ADAMTS17: variants seen among roughly 807,000 people sequenced by gnomAD.
ADAMTS17 encodes the protein ADAM metallopeptidase with thrombospondin type 1 motif 17, also known as A disintegrin and metalloproteinase with thrombospondin motifs 17.
A neutral mutation model predicts 141.5 loss-of-function variants in ADAMTS17; 113 were observed. That is an observed-to-expected ratio of 0.80 (90% CI 0.69 to 0.93). The LOEUF is 0.93. Among genes scored for constraint, ADAMTS17 ranks in the 40% least tolerant of loss-of-function variants. The pLI, the probability that ADAMTS17 is intolerant of heterozygous loss-of-function variation, is 0.00. For synonymous variants in ADAMTS17, 768 were observed against 630.6 expected, an observed-to-expected ratio of 1.22 and a Z score of -3.27; for missense variants, 1,659 against 1,517.9, an observed-to-expected ratio of 1.09 and a Z score of -1.54.
At chr15:100,323,958 C>T (rs1249012628) in intron 3 of ADAMTS17, among the ~76,000 whole-genome samples, 3 of 151,092 alleles carry the variant, frequency 2.0e-5, no homozygotes, top group Non-Finnish European at 4.4e-5. Flanking sequence ...GGGGAATAAG[C>T]CAGAGCCATG....
chr15:100,312,205 T>C (rs761145490), intron 3 of ADAMTS17, among the ~76,000 whole-genome samples: 22 of 152,218 alleles, frequency 1.4e-4, no homozygotes, highest in Non-Finnish European at 2.6e-4. Context: ...TCCTGGATTA[T>C]CTGGGTGGCT....
At chr15:100,253,321 G>C (rs958681189) in intron 7 of ADAMTS17, among the ~76,000 whole-genome samples, 1 of 138,524 alleles carries the variant, frequency 7.2e-6, no homozygotes, top group African/African-American at 2.8e-5. Flanking sequence ...GGACGGGAGA[G>C]AAAGGAAAAT....
chr15:100,014,684 G>C, intron 18 of ADAMTS17, among the ~76,000 whole-genome samples: 1 of 152,128 alleles, frequency 6.6e-6, no homozygotes, highest in Non-Finnish European at 1.5e-5. Context: ...GGTTCCTTTT[G>C]GAGTTGATTT....
rs933968440 is a variant in ADAMTS17, at chr15:99,971,688, C to T, written c.*2714G>A. ...TCGTATTGCCATAGAGGCTCTTTTCCTGCATTCTGATCCTATCCAGCAACG... is the reference window on the plus strand; with the variant it reads ...TCGTATTGCCATAGAGGCTCTTTTCTTGCATTCTGATCCTATCCAGCAACG... On this transcript the variant is annotated 3_prime_UTR_variant, in exon 22 of 22. Transcript: ENST00000268070. 6.6e-5 allele frequency: 10 copies of T among 152,274 alleles called. No homozygotes were observed. The highest frequency in any genetic ancestry group is 6.5e-4 in the Admixed American group (10 of 15,302). 9.4% of individuals were successfully genotyped at this position (152,274 alleles called of 1,614,324 possible).
rs568969336 is a variant in ADAMTS17, at chr15:100,237,701, G to A, written c.1075+16435C>T. On this transcript the variant is annotated intron_variant, in intron 7 of 21. Transcript: ENST00000268070. ...TGCAATGGTGCAATCTCAGCTCAGT[G>A]CAACCTCCGCCTCCCAGGTTCAAGC... Among the ~76,000 whole-genome samples the A allele has an allele frequency of 2.6e-5, 4 of 152,304 alleles. No individual in the cohort carries two copies. In the East Asian group the frequency reaches 7.7e-4, roughly 29 times the overall value.
chr15:100,165,052 G>C (rs772686268), intron 8 of ADAMTS17, among the ~76,000 whole-genome samples: 1 of 152,176 alleles, frequency 6.6e-6, no homozygotes, highest in African/African-American at 2.4e-5. Context: ...ACTCCTCCTT[G>C]CTTCAGAGTG....
chr15:100,318,282 T>A (rs996481049), intron 3 of ADAMTS17, among the ~76,000 whole-genome samples: 1 of 149,512 alleles, frequency 6.7e-6, no homozygotes, highest in Non-Finnish European at 1.5e-5. Context: ...CCGCCCCCCC[T>A]TATAGTTTTT....
chr15:100,302,193 TCTTTCA>T (rs769533910), intron 3 of ADAMTS17, among the ~76,000 whole-genome samples: 2 of 152,250 alleles, frequency 1.3e-5, no homozygotes. Context: ...GTGTCTGGTT[TCTTTCA>T]CTTTCATGTT....
Position 100,101,752 on chromosome 15 carries a change from C to T in ADAMTS17, c.2017-5276G>A, listed in dbSNP as rs772215180. Among the ~76,000 whole-genome samples the T allele has an allele frequency of 1.6e-4, 24 of 152,310 alleles. 1 individual carries two copies. The highest frequency in any genetic ancestry group is 4.1e-4 in the South Asian group (2 of 4,826). ...TCTCATATTTGAATTGGGACTTCCTCGTACAAGTTTTGATGGTACTTGTTT... is the reference window on the plus strand; with the variant it reads ...TCTCATATTTGAATTGGGACTTCCTTGTACAAGTTTTGATGGTACTTGTTT... On this transcript the variant is annotated intron_variant, in intron 14 of 21. Coordinates refer to ENST00000268070, the MANE Select transcript of ADAMTS17 (RefSeq NM_139057.4).
intron 3 of ADAMTS17, among the ~76,000 whole-genome samples, chr15:100,313,771 A>G (rs1215123612): frequency 6.6e-6 from 1 of 150,618 alleles, no homozygotes; most frequent in East Asian, 2.0e-4. Flanking sequence ...AAACGTCACC[A>G]TGAAGAAACG....
chr15:100,007,748 G>A (rs1022796133), intron 18 of ADAMTS17, among the ~76,000 whole-genome samples: 2 of 152,112 alleles, frequency 1.3e-5, no homozygotes, highest in South Asian at 2.1e-4. Flanking sequence ...AGGGGCTACC[G>A]GGTGCAGTGT....
intron 17 of ADAMTS17, among the ~76,000 whole-genome samples, chr15:100,050,350 G>C (rs2032043491): frequency 6.6e-6 from 1 of 152,232 alleles, no homozygotes. Context: ...GCTGGAATCA[G>C]AGGTAGATGT....
intron 15 of ADAMTS17, chr15:100,074,166 C>T (rs2034198247): frequency 1.3e-5 from 2 of 153,080 alleles, no homozygotes; most frequent in South Asian, 4.1e-4. Context: ...AGATCAGACA[C>T]ATTTGGGGCG....
chr15:100,220,772 G>T (rs552881218), intron 7 of ADAMTS17, among the ~76,000 whole-genome samples: 1 of 152,076 alleles, frequency 6.6e-6, no homozygotes, highest in Non-Finnish European at 1.5e-5. Context: ...CACGATATGC[G>T]GCCTTTTGTG....
chr15:100,230,929 C>A (rs145189980), intron 7 of ADAMTS17, among the ~76,000 whole-genome samples: 2 of 152,026 alleles, frequency 1.3e-5, no homozygotes, highest in Non-Finnish European at 2.9e-5. Context: ...GAACAGCCCA[C>A]GGGGGGAGGA....
rs117617126 is a variant in ADAMTS17, at chr15:100,000,060, G to C, written c.2592-2471C>G. On this transcript the variant is annotated intron_variant, in intron 18 of 21. Transcript: ENST00000268070. Reference sequence around the variant, plus strand: ...CAGTTGTGAGGACAAGTGGCACATTGTCCATAAACTGCTTACAACAGTGTC... The same window carrying C: ...CAGTTGTGAGGACAAGTGGCACATTCTCCATAAACTGCTTACAACAGTGTC... Among the ~76,000 whole-genome samples, 15 of 152,262 alleles carry C rather than the reference G, an allele frequency of 9.9e-5. No individual in the cohort carries two copies. In the East Asian group the frequency reaches 2.9e-3, roughly 29 times the overall value.
At chr15:100,073,762 G>T (rs2034159106) in intron 15 of ADAMTS17, among the ~76,000 whole-genome samples, 1 of 6,150 alleles carries the variant, frequency 1.6e-4, no homozygotes, top group African/African-American at 5.3e-4. Flanking sequence ...GGGGACTGTT[G>T]TGGGGTGGGG....
At chr15:100,117,645 G>A (rs992155698) in intron 12 of ADAMTS17, among the ~76,000 whole-genome samples, 5 of 152,178 alleles carry the variant, frequency 3.3e-5, no homozygotes, top group African/African-American at 4.8e-5. Context: ...AAGCCATTCC[G>A]GAGTTCCAGA....
chr15:100,331,021 G>A lies in ADAMTS17; in HGVS notation c.484C>T (p.Leu162=), dbSNP rs746329871. ...TGGGAGTTGTTGAGGGGCTGGATTA[G>A]CACCTGCTCCTGCCCAAGCTGAATG... is the stretch of plus-strand genomic sequence containing the variant. ...GLIQLGQEQV[L]IQPLNNSQGP... Residue 162 remains leucine (L), a synonymous_variant, in exon 3 of 22, where the codon CTA becomes TTA. Coordinates refer to ENST00000268070, the MANE Select transcript of ADAMTS17 (RefSeq NM_139057.4). 6.2e-7 allele frequency: 1 copy of A among 1,614,144 alleles called. No individual in the cohort carries two copies. The highest frequency in any genetic ancestry group is 1.7e-5 in the Admixed American group (1 of 60,022).
Sources: gnomAD v4.1 joint callset for allele counts (sites outside exome capture counted in the v4.1 genomes callset) on GRCh38, gnomAD v4.1.1 for gene constraint, MANE v1.5 for transcripts, NCBI Gene and HGNC (gene_info 2026-07-23, HGNC 2026-07-21) for gene names.